Variants in KDR observed in about 807,000 individuals in gnomAD.
KDR encodes the protein kinase insert domain receptor, also known as vascular endothelial growth factor receptor 2.
In KDR, 43 loss-of-function variants were observed where a neutral mutation model predicts 160.9. That is an observed-to-expected ratio of 0.27 (90% CI 0.21 to 0.34). The LOEUF is 0.34. Among genes scored for constraint, KDR ranks in the 10% least tolerant of loss-of-function variants. KDR has a pLI of 1.00. For missense variants in KDR, 1,469 were observed against 1,666.4 expected, an observed-to-expected ratio of 0.88 and a Z score of 2.06; for synonymous variants, 617 against 600.1, an observed-to-expected ratio of 1.03 and a Z score of -0.41.
intron 13 of KDR, among the ~76,000 whole-genome samples, chr4:55,103,089 T>A (rs780867926): frequency 6.6e-6 from 1 of 152,180 alleles, no homozygotes; most frequent in Admixed American, 6.5e-5. Context: ...AGTTGAACTG[T>A]TTACAGAATC....
At chr4:55,081,310 T>TAAC (rs1455727090) in intron 29 of KDR, among the ~76,000 whole-genome samples, 2 of 152,124 alleles carry the variant, frequency 1.3e-5, no homozygotes, top group African/African-American at 4.8e-5. Flanking sequence ...GTAAGAATAC[T>TAAC]CTAGCAAATA....
intron 18 of KDR, 113 bp downstream of exon 18, chr4:55,097,549 G>T: frequency 1.4e-6 from 1 of 728,402 alleles, no homozygotes. Flanking sequence ...TAGGCTGACT[G>T]CATGTGTGGC....
chr4:55,101,123 T>C (rs968746410), intron 15 of KDR, among the ~76,000 whole-genome samples: 9 of 152,228 alleles, frequency 5.9e-5, no homozygotes, highest in African/African-American at 2.2e-4. Context: ...TGTGACTATC[T>C]GGATAGCATT....
intron 22 of KDR, 91 bp from the exon 23 acceptor site, chr4:55,090,169 A>C: frequency 6.8e-7 from 1 of 1,461,784 alleles, no homozygotes; most frequent in Non-Finnish European, 9.5e-7. Flanking sequence ...AAAATCCCAC[A>C]TCAGAAAGCC....
intron 13 of KDR, among the ~76,000 whole-genome samples, chr4:55,103,934 A>T (rs11732292): frequency 6.6e-6 from 1 of 151,902 alleles, no homozygotes; most frequent in African/African-American, 2.4e-5. Context: ...ACAAGGCATG[A>T]GGTTAGACAA....
At chr4:55,097,856 C>G (rs1720201865) in intron 17 of KDR, 90 bp from the exon 18 acceptor site, 1 of 929,408 alleles carries the variant, frequency 1.1e-6, no homozygotes, top group Non-Finnish European at 1.7e-6. Flanking sequence ...GATAGGGTGA[C>G]CATACATCCC....
chr4:55,125,532 G>C lies in KDR; in HGVS notation c.-239C>G. ...TTTCTGCGGCGCGCAAGTGATGCCC[G>C]GCGCAGGCAGAGGAAACGCAGCGAC... is the stretch of plus-strand genomic sequence containing the variant. On this transcript the variant is annotated 5_prime_UTR_variant, in exon 1 of 30. Transcript: ENST00000263923. 1 of 602,832 alleles carries C rather than the reference G, an allele frequency of 1.7e-6. No homozygotes were observed. Among genetic ancestry groups the C allele is most frequent in the East Asian group, 2.8e-5 (1 of 36,326 alleles). The allele number at this position is 602,832 out of a possible 1,614,324, so 37.3% of individuals were successfully genotyped here. A position where few individuals can be genotyped will look rare whatever the true frequency, so the allele number is the denominator to read the frequency against.
chr4:55,093,359 T>C (rs2110014204), intron 21 of KDR, among the ~76,000 whole-genome samples: 1 of 152,344 alleles, frequency 6.6e-6, no homozygotes, highest in South Asian at 2.1e-4. Flanking sequence ...AACACTAAGA[T>C]ATTAAATGGG....
At position 55,094,861 on chromosome 4, in the gene KDR, C is replaced by T. The variant is rs2110015148; in HGVS notation, c.2912G>A (p.Ser971Asn). The T allele has an allele frequency of 6.2e-7, 1 of 1,613,940 alleles. No individual in the cohort carries two copies. The highest frequency in any genetic ancestry group is 8.5e-7 in the Non-Finnish European group (1 of 1,179,878). Residue 971 changes from serine (S) to asparagine (N), a missense_variant, in exon 21 of 30, where the codon AGC (serine) becomes AAC (asparagine). By Grantham distance (46) the Ser-to-Asn change is conservative. Transcript: ENST00000263923. ...CTCCACAAATCCAGAGCTGGCTGAG[C>T]TCTGGCTACTGGTGATGCTGTCCAA... ...RRLDSITSSQ[S>N]SASSGFVEEK...
Position 55,125,399 on chromosome 4 carries a change from A to C in KDR, c.-106T>G. 5 of 1,386,958 alleles carry C rather than the reference A, an allele frequency of 3.6e-6. No individual in the cohort carries two copies. Among genetic ancestry groups the C allele is most frequent in the Non-Finnish European group, 5.0e-6 (5 of 1,009,662 alleles). 85.9% of individuals were successfully genotyped at this position (1,386,958 alleles called of 1,614,324 possible). On this transcript the variant is annotated 5_prime_UTR_variant, in exon 1 of 30. Transcript: ENST00000263923. ...GGAGGTGGAACTCGCGGCACCCCGC[A>C]GCGCAGGACAGTTGAGCGCACAGGG... is the stretch of plus-strand genomic sequence containing the variant.
In KDR at chr4:55,110,771, G is replaced by GAA; in HGVS notation, c.977-4_977-3insTT. The GAA allele has an allele frequency of 6.5e-7, 1 of 1,545,438 alleles. No individual in the cohort carries two copies. Among genetic ancestry groups the GAA allele is most frequent in the Non-Finnish European group, 8.7e-7 (1 of 1,150,318 alleles). ...TCCAAAAGCAACAAAAGGTTTTTCT[G>GAA]GAAGAAAATAAAAAAAAAAAAAGGT... On this transcript the variant is annotated splice_polypyrimidine_tract_variant and splice_region_variant and intron_variant, in intron 7 of 29. Coordinates refer to ENST00000263923, the MANE Select transcript of KDR (RefSeq NM_002253.4).
At chr4:55,102,114 G>A in intron 14 of KDR, 86 bp from the exon 15 acceptor site, 1 of 1,557,454 alleles carries the variant, frequency 6.4e-7, no homozygotes, top group East Asian at 2.2e-5. Context: ...TATAAATGCT[G>A]CCCTTCATCT....
At chr4:55,122,101 G>A (rs1043599201) in intron 1 of KDR, among the ~76,000 whole-genome samples, 2 of 152,042 alleles carry the variant, frequency 1.3e-5, no homozygotes, top group African/African-American at 4.8e-5. Context: ...ATTCATCAAA[G>A]CCCTGAACTC....
Position 55,107,820 on chromosome 4 carries a change from C to T in KDR, c.1329G>A (p.Leu443=). The T allele has an allele frequency of 1.9e-6, 3 of 1,613,898 alleles. No individual in the cohort carries two copies. The highest frequency in any genetic ancestry group is 2.5e-6 in the Non-Finnish European group (3 of 1,179,904). Residue 443 remains leucine, a synonymous_variant, in exon 10 of 30, where the codon CTG becomes CTA. Transcript: ENST00000263923. ...DSYQYGTTQT[L]TCTVYAIPPP... is the part of the protein sequence containing the mutation. Reference sequence around the variant, plus strand: ...GAGGAATGGCATAGACCGTACATGTCAGCGTTTGAGTGGTGCCGTACTGGT... The same window carrying T: ...GAGGAATGGCATAGACCGTACATGTTAGCGTTTGAGTGGTGCCGTACTGGT...
At chr4:55,081,509 C>T (rs1719735299) in intron 29 of KDR, among the ~76,000 whole-genome samples, 1 of 152,144 alleles carries the variant, frequency 6.6e-6, no homozygotes, top group Non-Finnish European at 1.5e-5. Flanking sequence ...CGAATTCAGA[C>T]AATAATATTT....
intron 1 of KDR, among the ~76,000 whole-genome samples, chr4:55,123,851 C>A (rs1187193674): frequency 6.6e-6 from 1 of 152,180 alleles, no homozygotes; most frequent in East Asian, 1.9e-4. Flanking sequence ...CCAATTACAG[C>A]CCAATCCAAT....
At chr4:55,088,146 A>T (rs1719908741) in intron 26 of KDR, among the ~76,000 whole-genome samples, 1 of 152,202 alleles carries the variant, frequency 6.6e-6, no homozygotes. Context: ...TAGCCACCAC[A>T]TTTCAAGGCA....
intron 3 of KDR, among the ~76,000 whole-genome samples, chr4:55,117,254 CAT>C (rs1232149029): frequency 5.3e-5 from 8 of 152,202 alleles, no homozygotes; most frequent in African/African-American, 1.7e-4. Context: ...TGAATTTTCA[CAT>C]GTCTCCAAGT....
At chr4:55,089,831 A>T (rs565966448) in intron 23 of KDR, 29 bp from the exon 24 acceptor site, 32 of 1,609,354 alleles carry the variant, frequency 2.0e-5, no homozygotes, top group Non-Finnish European at 2.6e-5. Context: ...AGGATTCAGA[A>T]CCCAAATTAG....
Sources: gnomAD v4.1 joint callset for allele counts (sites outside exome capture counted in the v4.1 genomes callset) on GRCh38, gnomAD v4.1.1 for gene constraint, MANE v1.5 for transcripts, NCBI Gene and HGNC (gene_info 2026-07-23, HGNC 2026-07-21) for gene names.